FOXP2: variants seen among roughly 807,000 people sequenced by gnomAD.
FOXP2 encodes forkhead box protein P2.
Under a neutral mutation model 115.8 loss-of-function variants are expected in FOXP2, and 12 were observed. The observed-to-expected ratio is 0.10, with a 90% CI of 0.07 to 0.17. The LOEUF is 0.17. Ranked by LOEUF, FOXP2 falls within the 10% of genes least tolerant of loss-of-function variation. The probability of loss-of-function intolerance (pLI) is 1.00; values close to 1 mark genes in which losing one functional copy is unlikely to be tolerated. For synonymous variants in FOXP2, 328 were observed against 297.7 expected (o/e 1.10, Z -1.05); for missense variants, 629 against 843.5 (o/e 0.75, Z 3.15).
At chr7:114,651,613 A>G (rs552761971) in intron 8 of FOXP2, among the ~76,000 whole-genome samples, 3 of 152,262 alleles carry the variant, frequency 2.0e-5, no homozygotes, top group Non-Finnish European at 2.9e-5. Context: ...TCTCCTAGTT[A>G]GAACACTGGA....
intron 2 of FOXP2, among the ~76,000 whole-genome samples, chr7:114,386,343 T>TA (rs1584685569): frequency 1.3e-5 from 2 of 152,338 alleles, no homozygotes; most frequent in South Asian, 2.1e-4. Flanking sequence ...TTAAGCTTTT[T>TA]AAAAAAATTT....
At chr7:114,408,268 T>C (rs992464592) in intron 2 of FOXP2, among the ~76,000 whole-genome samples, 3 of 152,176 alleles carry the variant, frequency 2.0e-5, no homozygotes, top group Non-Finnish European at 2.9e-5. Flanking sequence ...CTTTAGGCCT[T>C]ATTTTTTAGA....
chr7:114,414,062 G>A (rs1793240753), upstream of FOXP2, among the ~76,000 whole-genome samples: 1 of 152,106 alleles, frequency 6.6e-6, no homozygotes, highest in Non-Finnish European at 1.5e-5. Flanking sequence ...GCAATAGGAG[G>A]AAAATTATTG....
At chr7:114,358,595 C>T (rs1262396730) in intron 2 of FOXP2, among the ~76,000 whole-genome samples, 1 of 152,082 alleles carries the variant, frequency 6.6e-6, no homozygotes, top group Non-Finnish European at 1.5e-5. Context: ...AATTTCCAGG[C>T]TGAGGTGATC....
At chr7:114,424,462 T>C (rs1024259751) in intron 1 of FOXP2, among the ~76,000 whole-genome samples, 6 of 151,606 alleles carry the variant, frequency 4.0e-5, no homozygotes, top group African/African-American at 1.4e-4. Context: ...AAATGCAATA[T>C]GTAAAAGTTA....
intron 1 of FOXP2, among the ~76,000 whole-genome samples, chr7:114,179,940 T>C (rs1793414901): frequency 6.6e-6 from 1 of 151,988 alleles, no homozygotes; most frequent in Non-Finnish European, 1.5e-5. Flanking sequence ...CTTCTGTACA[T>C]TCTTGACTCT....
At chr7:114,262,377 T>G (rs950043774) in intron 1 of FOXP2, among the ~76,000 whole-genome samples, 2 of 152,042 alleles carry the variant, frequency 1.3e-5, no homozygotes, top group Non-Finnish European at 1.5e-5. Context: ...TGAGCTATGA[T>G]CACATCATTG....
chr7:114,230,835 T>G (rs1794856266), intron 1 of FOXP2, among the ~76,000 whole-genome samples: 1 of 151,908 alleles, frequency 6.6e-6, no homozygotes. Flanking sequence ...CTTACCACTT[T>G]TATTCAACAC....
At chr7:114,511,213 G>A (rs1337799033) in intron 2 of FOXP2, among the ~76,000 whole-genome samples, 1 of 152,090 alleles carries the variant, frequency 6.6e-6, no homozygotes, top group Non-Finnish European at 1.5e-5. Flanking sequence ...CAGGGGGTGG[G>A]GGGCTAGGGG....
In FOXP2 at chr7:114,662,037, A is replaced by AT. The variant is rs777220571; in HGVS notation, c.1648-22dup. The stretch of plus-strand genomic sequence containing the variant: ...CTTATTAGACAATATTATTTTTGCC[A>AT]TTTTTTCTTCTCTTCTGTCTGCTTT... On this transcript the variant is annotated intron_variant, in intron 13 of 16. Transcript: ENST00000350908. 5 of 1,611,300 alleles carry AT rather than the reference A, an allele frequency of 3.1e-6. No homozygotes were observed. In the African/African-American group the frequency reaches 6.7e-5, roughly 22 times the overall value.
intron 1 of FOXP2, among the ~76,000 whole-genome samples, chr7:114,187,742 G>C (rs1784213602): frequency 6.6e-6 from 1 of 152,110 alleles, no homozygotes. Context: ...AGTCTGTCTT[G>C]TGCTGCTGTA....
chr7:114,560,804 A>G (rs1800723457), intron 3 of FOXP2, among the ~76,000 whole-genome samples: 1 of 152,192 alleles, frequency 6.6e-6, no homozygotes, highest in African/African-American at 2.4e-5. Flanking sequence ...TAATTTTGAC[A>G]GTATGATTAT....
chr7:114,344,334 T>C (rs565235249), intron 2 of FOXP2, among the ~76,000 whole-genome samples: 191 of 151,920 alleles, frequency 1.3e-3, no homozygotes, highest in Middle Eastern at 3.4e-3. Context: ...CTCTGTTCTT[T>C]GTTGTACAAA....
chr7:114,559,065 A>G (rs1167608169), intron 3 of FOXP2, among the ~76,000 whole-genome samples: 2 of 152,198 alleles, frequency 1.3e-5, no homozygotes, highest in African/African-American at 4.8e-5. Flanking sequence ...ACTCTTGAAT[A>G]AAGCAAACAT....
intron 1 of FOXP2, among the ~76,000 whole-genome samples, chr7:114,139,076 G>T (rs756893111): frequency 3.3e-5 from 5 of 152,022 alleles, no homozygotes; most frequent in Non-Finnish European, 5.9e-5. Flanking sequence ...AGGGGGCAGG[G>T]ACTTATGATA....
chr7:114,464,982 T>C (rs1174396336), intron 2 of FOXP2, among the ~76,000 whole-genome samples: 4 of 152,246 alleles, frequency 2.6e-5, no homozygotes, highest in Non-Finnish European at 4.4e-5. Context: ...ATAATTATCA[T>C]GTGTTATTTA....
chr7:114,367,735 T>C (rs576607796), intron 2 of FOXP2, among the ~76,000 whole-genome samples: 2 of 152,282 alleles, frequency 1.3e-5, no homozygotes, highest in East Asian at 3.9e-4. Flanking sequence ...TACTTTCTAA[T>C]TGATATTTCG....
chr7:114,282,762 T>G (rs1527154), intron 1 of FOXP2, among the ~76,000 whole-genome samples: 96,226 of 151,890 alleles, frequency 0.63, 31,557 homozygotes, highest in Middle Eastern at 0.8. Context: ...GTATCTCTGG[T>G]GGCAGTTTTA....
intron 1 of FOXP2, among the ~76,000 whole-genome samples, chr7:114,270,903 T>G (rs1796017701): frequency 1.3e-5 from 2 of 152,122 alleles, no homozygotes; most frequent in Non-Finnish European, 2.9e-5. Flanking sequence ...TCATCTAGGA[T>G]TTCTATATTA....
Sources: gnomAD v4.1 joint callset for allele counts (sites outside exome capture counted in the v4.1 genomes callset) on GRCh38, gnomAD v4.1.1 for gene constraint, MANE v1.5 for transcripts, NCBI Gene and HGNC (gene_info 2026-07-23, HGNC 2026-07-21) for gene names.